HHIPL1: variants seen among roughly 807,000 people sequenced by gnomAD.
The protein encoded by HHIPL1 is HHIP like 1.
In HHIPL1, 43 loss-of-function variants were observed where a neutral mutation model predicts 61.8. The observed-to-expected ratio is 0.70, with a 90% CI of 0.55 to 0.90. HHIPL1 has a LOEUF of 0.90. Ranked by LOEUF, HHIPL1 falls within the 40% of genes least tolerant of loss-of-function variation. The probability of loss-of-function intolerance (pLI) is 0.00; values close to 1 mark genes in which losing one functional copy is unlikely to be tolerated. For synonymous variants in HHIPL1, 482 were observed against 515.8 expected (o/e 0.93, Z 0.89); for missense variants, 1,056 against 1,157.7 (o/e 0.91, Z 1.28).
chr14:99,630,953 T>C, the HHIPL1 span, among the ~76,000 whole-genome samples: 2 of 152,166 alleles, frequency 1.3e-5, no homozygotes, highest in African/African-American at 4.8e-5. Flanking sequence ...ATGTCCTCTG[T>C]CCAAATGTCC....
chr14:99,657,620 T>TACA (rs2140070143), intron 3 of HHIPL1, among the ~76,000 whole-genome samples: 1 of 152,246 alleles, frequency 6.6e-6, no homozygotes, highest in South Asian at 2.1e-4. Context: ...TGTTAACGTG[T>TACA]AGTCTTGCTC....
chr14:99,621,486 C>A, the HHIPL1 span, among the ~76,000 whole-genome samples: 1 of 152,188 alleles, frequency 6.6e-6, no homozygotes, highest in Admixed American at 6.5e-5. Context: ...TTACACCAAC[C>A]CCAGCTATTG....
Position 99,655,851 on chromosome 14 carries a change from G to A in HHIPL1, c.903-1149G>A, listed in dbSNP as rs546456517. 7.2e-5 allele frequency among the ~76,000 whole-genome samples: 11 copies of A among 152,346 alleles called. No individual in the cohort carries two copies. In the East Asian group the frequency reaches 1.9e-3, roughly 27 times the overall value. ...ACAAAGGGAAAAAGTCCTTTGTGCT[G>A]TGGACTTTGCTGCTCTTAGTACCAA... On this transcript the variant is annotated intron_variant, in intron 2 of 8. Coordinates refer to ENST00000330710, the MANE Select transcript of HHIPL1 (RefSeq NM_001127258.3).
At chr14:99,673,039 A>G (rs896946071) in intron 8 of HHIPL1, among the ~76,000 whole-genome samples, 1 of 152,056 alleles carries the variant, frequency 6.6e-6, no homozygotes, top group African/African-American at 2.4e-5. Flanking sequence ...GTTAGGTACA[A>G]CCTCCCAATT....
Position 99,668,855 on chromosome 14 carries a change from C to T in HHIPL1, c.1730+552C>T. The T allele has an allele frequency of 6.2e-7, 1 of 1,614,050 alleles. No individual in the cohort carries two copies. The highest frequency in any genetic ancestry group is 1.1e-5 in the South Asian group (1 of 91,086). ...AGCTGTAAGGCCAGAAGCGCCATGC[C>T]CGGCTATGTCCCAGCTCCTTCCGTG... On this transcript the variant is annotated intron_variant, in intron 7 of 8. Transcript: ENST00000330710. The surrounding 1 kb of genome is among the most constrained non-coding windows in gnomAD (Gnocchi z 4.7).
the HHIPL1 span, among the ~76,000 whole-genome samples, chr14:99,621,256 G>A: frequency 1.3e-5 from 2 of 152,122 alleles, no homozygotes; most frequent in Non-Finnish European, 1.5e-5. Context: ...GTACCACCAT[G>A]CCTGGCTAAT....
At position 99,668,336 on chromosome 14, in the gene HHIPL1, G is replaced by T. The variant is rs755597803; in HGVS notation, c.1730+33G>T. ...CCAGCCTCCAGGACAGGGAGCTCCTGCTGTCTGTCAGGCCTCTTAGCTCCA... is the reference window on the plus strand; with the variant it reads ...CCAGCCTCCAGGACAGGGAGCTCCTTCTGTCTGTCAGGCCTCTTAGCTCCA... On this transcript the variant is annotated intron_variant, in intron 7 of 8. Transcript: ENST00000330710. The surrounding 1 kb of genome is among the most constrained non-coding windows in gnomAD (Gnocchi z 4.7). 8 of 1,359,476 alleles carry T rather than the reference G, an allele frequency of 5.9e-6. No individual in the cohort carries two copies. The Admixed American group carries it at 8.4e-5, about 14-fold the overall frequency. The allele number at this position is 1,359,476 out of a possible 1,614,324, so 84.2% of individuals were successfully genotyped here.
chr14:99,640,316 G>T (rs1446476170), upstream of HHIPL1, among the ~76,000 whole-genome samples: 1 of 152,084 alleles, frequency 6.6e-6, no homozygotes, highest in East Asian at 1.9e-4. Context: ...ATAGGGTCTT[G>T]CTCTGTCACC....
intron 2 of HHIPL1, among the ~76,000 whole-genome samples, chr14:99,654,185 TCTC>T (rs1203709571): frequency 2.2e-5 from 2 of 91,806 alleles, no homozygotes; most frequent in Non-Finnish European, 4.6e-5. Context: ...CAAGACTCTG[TCTC>T]AAAAAAAAAA....
chr14:99,611,783 A>T, the HHIPL1 span, among the ~76,000 whole-genome samples: 2 of 151,170 alleles, frequency 1.3e-5, no homozygotes, highest in African/African-American at 4.9e-5. Context: ...GGACCTTCTT[A>T]TACGCGTGTC....
intron 1 of HHIPL1, among the ~76,000 whole-genome samples, chr14:99,648,462 G>A (rs922220440): frequency 6.6e-6 from 1 of 152,174 alleles, no homozygotes; most frequent in Admixed American, 6.5e-5. Flanking sequence ...TCTCCTAACC[G>A]CTTTGCCACA....
chr14:99,631,048 TTTTC>T, the HHIPL1 span, among the ~76,000 whole-genome samples: 23,237 of 119,894 alleles, frequency 0.19, 2,178 homozygotes, highest in Non-Finnish European at 0.21. Context: ...AGTGGCTCCA[TTTTC>T]TTTCTTTCTT....
At chr14:99,669,379 ACGCAAGGCC>A in intron 7 of HHIPL1, 2 of 980,264 alleles carry the variant, frequency 2.0e-6, no homozygotes, top group Admixed American at 5.8e-5. Flanking sequence ...CTTGTCTCTA[ACGCAAGGCC>A]TGAGGTTGCA....
chr14:99,659,847 C>CCCCCCA, intron 4 of HHIPL1, 91 bp downstream of exon 4: 1 of 311,212 alleles, frequency 3.2e-6, no homozygotes, highest in Non-Finnish European at 4.6e-6. Flanking sequence ...GGAGACCGCA[C>CCCCCCA]CCCCCCCCCC....
intron 4 of HHIPL1, 95 bp downstream of exon 4, chr14:99,659,851 C>CCCCCA: frequency 1.8e-6 from 1 of 551,518 alleles, no homozygotes; most frequent in Non-Finnish European, 2.7e-6. Flanking sequence ...ACCGCACCCC[C>CCCCCA]CCCCCCCCGG....
In HHIPL1 at chr14:99,668,362, C is replaced by T. The variant is rs114484543; in HGVS notation, c.1730+59C>T. 4.4e-4 allele frequency: 444 copies of T among 1,018,476 alleles called. 1 individual carries two copies. The African/African-American group carries it at 5.2e-3, about 12-fold the overall frequency. 63.1% of individuals were successfully genotyped at this position (1,018,476 alleles called of 1,614,324 possible). A position where few individuals can be genotyped will look rare whatever the true frequency, so the allele number is the denominator to read the frequency against. ...CTGTCTGTCAGGCCTCTTAGCTCCA[C>T]GGGCTTGTCCCCTCCGCCTCGCCCT... On this transcript the variant is annotated intron_variant, in intron 7 of 8. Transcript: ENST00000330710. The surrounding 1 kb of genome is among the most constrained non-coding windows in gnomAD (Gnocchi z 4.7).
chr14:99,657,570 C>T (rs555946278), intron 3 of HHIPL1, among the ~76,000 whole-genome samples: 17 of 152,284 alleles, frequency 1.1e-4, no homozygotes, highest in Admixed American at 5.2e-4. Context: ...GGCAACAGCA[C>T]GTGGGGCTCC....
At chr14:99,653,862 T>A (rs1353464064) in intron 2 of HHIPL1, among the ~76,000 whole-genome samples, 3 of 152,206 alleles carry the variant, frequency 2.0e-5, no homozygotes, top group Admixed American at 1.3e-4. Flanking sequence ...TAGGTAGAAT[T>A]TGATCCTGGG....
At chr14:99,662,815 G>A in intron 5 of HHIPL1, 61 bp from the exon 6 acceptor site, 2 of 1,461,394 alleles carry the variant, frequency 1.4e-6, no homozygotes, top group Non-Finnish European at 1.8e-6. Flanking sequence ...GGATGGATTG[G>A]TGGGTAGGTT....
Sources: gnomAD v4.1 joint callset for allele counts (sites outside exome capture counted in the v4.1 genomes callset) on GRCh38, gnomAD v4.1.1 for gene constraint, Gnocchi (gnomAD v3.1) non-coding constraint, MANE v1.5 for transcripts, NCBI Gene and HGNC (gene_info 2026-07-23, HGNC 2026-07-21) for gene names.